CERS3: variants seen among roughly 807,000 people sequenced by gnomAD.
CERS3 encodes the protein LAG1 homolog, ceramide synthase 3.
Under a neutral mutation model 50.3 loss-of-function variants are expected in CERS3, and 33 were observed. That is an observed-to-expected ratio of 0.66 (90% confidence interval 0.50 to 0.88). The LOEUF is 0.88. Among genes scored for constraint, CERS3 ranks in the 40% least tolerant of loss-of-function variants. The pLI, the probability that CERS3 is intolerant of heterozygous loss-of-function variation, is 0.00. For synonymous variants in CERS3, 176 were observed against 155.2 expected (o/e 1.13, Z -0.99); for missense variants, 470 against 460.3 (o/e 1.02, Z -0.19).
chr15:100,413,179 T>A (rs1201785049), intron 11 of CERS3, among the ~76,000 whole-genome samples: 1 of 152,200 alleles, frequency 6.6e-6, no homozygotes, highest in Non-Finnish European at 1.5e-5. Flanking sequence ...AATTGCCATA[T>A]TTTACATCCT....
intron 2 of CERS3, among the ~76,000 whole-genome samples, chr15:100,517,048 G>C (rs1241719170): frequency 3.3e-5 from 5 of 152,190 alleles, no homozygotes; most frequent in Non-Finnish European, 4.4e-5. Flanking sequence ...ATTCCTCACA[G>C]AGCCTGAAAG....
chr15:100,484,670 T>C lies in CERS3; in HGVS notation c.289-2A>G. ...CTTTGCCAGTCCATAAATATCAGTCTGAAAAGGGATGAAACGCATAAATGA... is the reference window on the plus strand; with the variant it reads ...CTTTGCCAGTCCATAAATATCAGTCCGAAAAGGGATGAAACGCATAAATGA... On this transcript the variant is annotated splice_acceptor_variant, in intron 4 of 11. Transcript: ENST00000679737. LOFTEE classifies it high-confidence loss of function. The C allele has an allele frequency of 6.3e-7, 1 of 1,586,130 alleles. No homozygotes were observed. Among genetic ancestry groups the C allele is most frequent in the South Asian group, 1.1e-5 (1 of 90,518 alleles).
intron 8 of CERS3, 102 bp from the exon 9 acceptor site, chr15:100,473,154 G>A: frequency 8.1e-7 from 1 of 1,239,924 alleles, no homozygotes; most frequent in South Asian, 1.5e-5. Flanking sequence ...ACTTACATCT[G>A]CATGTTTTGA....
chr15:100,425,701 G>C (rs2585217), intron 11 of CERS3, among the ~76,000 whole-genome samples: 41,853 of 152,008 alleles, frequency 0.28, 5,962 homozygotes, highest in East Asian at 0.42. Flanking sequence ...AAAATGAGTT[G>C]AGACTTTGAG....
intron 2 of CERS3, among the ~76,000 whole-genome samples, chr15:100,506,387 C>T (rs2036179278): frequency 6.6e-6 from 1 of 151,932 alleles, no homozygotes; most frequent in African/African-American, 2.4e-5. Context: ...CACACCCATA[C>T]CCAGAGAGGC....
At chr15:100,510,166 T>C (rs2036298589) in intron 2 of CERS3, among the ~76,000 whole-genome samples, 1 of 152,128 alleles carries the variant, frequency 6.6e-6, no homozygotes, top group Non-Finnish European at 1.5e-5. Context: ...CCATTTCACA[T>C]GAAGAAGACA....
intron 11 of CERS3, among the ~76,000 whole-genome samples, chr15:100,441,737 C>A (rs1433457410): frequency 1.3e-5 from 2 of 152,226 alleles, no homozygotes; most frequent in East Asian, 1.9e-4. Flanking sequence ...CTAAATAATT[C>A]TTTTCGTAAA....
intron 3 of CERS3, among the ~76,000 whole-genome samples, chr15:100,496,348 G>A (rs2035814034): frequency 2.0e-5 from 3 of 151,834 alleles, no homozygotes; most frequent in Admixed American, 6.6e-5. Context: ...AGACTATTCA[G>A]CAATAGAAAG....
chr15:100,461,134 TGACACATGTGGAACAGAATATCA>T (rs2034536025), intron 10 of CERS3, among the ~76,000 whole-genome samples: 2 of 151,870 alleles, frequency 1.3e-5, no homozygotes, highest in African/African-American at 4.8e-5. Context: ...GAAAGAGGAG[TGACACATGTGGAACAGAATATCA>T]GAGCTGGGTT....
At chr15:100,484,452 AAC>A in intron 5 of CERS3, 96 bp downstream of exon 5, 1 of 844,696 alleles carries the variant, frequency 1.2e-6, no homozygotes, top group Non-Finnish European at 2.0e-6. Context: ...GCTGGGTCTG[AAC>A]CCTCCCTCTG....
In CERS3 at chr15:100,469,359, A is replaced by C. The variant is rs778322939; in HGVS notation, c.845+19T>G. On this transcript the variant is annotated intron_variant, in intron 10 of 11. Coordinates refer to ENST00000679737, the MANE Select transcript of CERS3 (RefSeq NM_001378789.1). ...TCTGCACACTGACCAAAGGCAGGGC[A>C]CATCACCGGTCTACTCACCAGAAAG... 1.4e-5 allele frequency: 23 copies of C among 1,590,696 alleles called. No individual in the cohort carries two copies. In the South Asian group the frequency reaches 2.5e-4, roughly 18 times the overall value.
At position 100,418,829 on chromosome 15, in the gene CERS3, C is replaced by T. The variant is rs931762767; in HGVS notation, c.1000-15964G>A. Among the ~76,000 whole-genome samples the T allele has an allele frequency of 5.1e-3, 762 of 148,986 alleles. 6 individuals carry two copies. The highest frequency in any genetic ancestry group is 0.018 in the African/African-American group (728 of 40,466). On this transcript the variant is annotated intron_variant, in intron 11 of 11. Coordinates refer to ENST00000679737, the MANE Select transcript of CERS3 (RefSeq NM_001378789.1). ...ACCCAGAATTTCATATCCAGCCAAA[C>T]TAAGCTTCATAAGTGAAGGAGAAAT...
intron 11 of CERS3, among the ~76,000 whole-genome samples, chr15:100,417,856 C>A (rs2032076403): frequency 6.6e-6 from 1 of 151,914 alleles, no homozygotes; most frequent in Non-Finnish European, 1.5e-5. Flanking sequence ...TCCAACAGAC[C>A]TGCAGCTGAG....
Position 100,497,730 on chromosome 15 carries a change from G to A in CERS3, c.173+3947C>T, listed in dbSNP as rs557241912. On this transcript the variant is annotated intron_variant, in intron 3 of 11. Transcript: ENST00000679737. ...AAATATACACATTCATAGCATCCTT[G>A]CTGATATGAGGAATAAATACCTGTT... Among the ~76,000 whole-genome samples, 11 of 152,114 alleles carry A rather than the reference G, an allele frequency of 7.2e-5. No homozygotes were observed. In the South Asian group the frequency reaches 2.1e-3, roughly 29 times the overall value.
chr15:100,490,689 T>C, intron 4 of CERS3, 128 bp downstream of exon 4: 1 of 637,302 alleles, frequency 1.6e-6, no homozygotes, highest in East Asian at 2.8e-5. Context: ...AAACAATAAA[T>C]CCAAGTGAAT....
intron 2 of CERS3, among the ~76,000 whole-genome samples, chr15:100,505,412 C>T (rs773879313): frequency 1.8e-4 from 27 of 152,298 alleles, no homozygotes; most frequent in Middle Eastern, 3.4e-3. Flanking sequence ...CTTTAATACT[C>T]AACAGCCAAA....
intron 1 of CERS3, among the ~76,000 whole-genome samples, chr15:100,543,161 C>G (rs2037241830): frequency 6.6e-6 from 1 of 152,184 alleles, no homozygotes; most frequent in South Asian, 2.1e-4. Context: ...ATCCACCTGC[C>G]TCAGCCTCCC....
chr15:100,420,461 G>A (rs1458002332), intron 11 of CERS3, among the ~76,000 whole-genome samples: 5 of 152,128 alleles, frequency 3.3e-5, no homozygotes, highest in Admixed American at 6.5e-5. Context: ...ACCAAAAAGT[G>A]TCCAGGACCA....
chr15:100,467,850 T>TATAGATAGATTAG (rs1555528325), intron 10 of CERS3, among the ~76,000 whole-genome samples: 3 of 93,136 alleles, frequency 3.2e-5, no homozygotes, highest in African/African-American at 1.1e-4. Context: ...TATATATATA[T>TATAGATAGATTAG]ATAGATAGAT....
Sources: gnomAD v4.1 joint callset for allele counts (sites outside exome capture counted in the v4.1 genomes callset) on GRCh38, gnomAD v4.1.1 for gene constraint, MANE v1.5 for transcripts, NCBI Gene and HGNC (gene_info 2026-07-23, HGNC 2026-07-21) for gene names.